Variants in ZNF33B observed in about 807,000 individuals in gnomAD.
ZNF33B encodes zinc finger protein 33B.
A neutral mutation model predicts 45.8 loss-of-function variants in ZNF33B; 29 were observed. That is an observed-to-expected ratio of 0.63 (90% confidence interval 0.47 to 0.86). The LOEUF (loss-of-function observed/expected upper bound fraction) is 0.86, where lower values mean the gene tolerates loss of function less well. Among genes scored for constraint, ZNF33B ranks in the 40% least tolerant of loss-of-function variants. The pLI, the probability that ZNF33B is intolerant of heterozygous loss-of-function variation, is 0.00. For synonymous variants in ZNF33B, 305 were observed against 307.8 expected, an observed-to-expected ratio of 0.99 and a Z score of 0.10; for missense variants, 831 against 909.9, an observed-to-expected ratio of 0.91 and a Z score of 1.12.
chr10:42,625,033 A>G (rs554722), intron 4 of ZNF33B, among the ~76,000 whole-genome samples: 4,678 of 71,000 alleles, frequency 0.066, 203 homozygotes, highest in East Asian at 0.33. Context: ...AAATTGTTTC[A>G]TATTTTATAT....
rs145842576 is a variant in ZNF33B, at chr10:42,593,223, G to A, written c.1727C>T (p.Thr576Met). The change falls in exon 5 of 5, where the codon ACG (threonine) becomes ATG (methionine). Residue 576 changes from threonine (T) to methionine (M), a missense_variant. Transcript: ENST00000359467. ...ATGACATTCATAGGGTTTCTCCCCCGTGTGTGTTCTATAATGTTGAGAGAG... is the reference window on the plus strand; with the variant it reads ...ATGACATTCATAGGGTTTCTCCCCCATGTGTGTTCTATAATGTTGAGAGAG... ...STLSQHYRTH[T>M]GEKPYECHEC... 4.6e-4 allele frequency: 744 copies of A among 1,613,734 alleles called. No individual in the cohort carries two copies. The highest frequency in any genetic ancestry group is 1.8e-3 in the South Asian group (164 of 91,070).
intron 4 of ZNF33B, among the ~76,000 whole-genome samples, chr10:42,600,386 T>C (rs757644971): frequency 2.6e-5 from 4 of 152,142 alleles, no homozygotes; most frequent in Non-Finnish European, 5.9e-5. Flanking sequence ...AAGTTTAGGA[T>C]TGTTAAATCC....
Position 42,593,473 on chromosome 10 carries a change from C to G in ZNF33B, c.1477G>C (p.Gly493Arg), listed in dbSNP as rs1396222493. 9 of 1,614,046 alleles carry G rather than the reference C, an allele frequency of 5.6e-6. No individual in the cohort carries two copies. The highest frequency in any genetic ancestry group is 2.2e-5 in the East Asian group (1 of 44,878). Reference sequence around the variant, plus strand: ...GCATTACATTCATAAGGTTTATCTCCTATGTGAGTTCTCTGATGCTGTGTA... The same window carrying G: ...GCATTACATTCATAAGGTTTATCTCGTATGTGAGTTCTCTGATGCTGTGTA... ...HLTQHQRTHI[G>R]DKPYECNACG... The change falls in exon 5 of 5, where the codon GGA (glycine) becomes CGA (arginine). Residue 493 changes from glycine to arginine, a missense_variant. Physicochemically the swap from Gly to Arg is moderately radical, Grantham distance 125. Transcript: ENST00000359467.
chr10:42,629,320 G>A (rs1460512371), intron 4 of ZNF33B, among the ~76,000 whole-genome samples: 3 of 152,106 alleles, frequency 2.0e-5, no homozygotes, highest in Non-Finnish European at 4.4e-5. Flanking sequence ...GTTGGGGGAA[G>A]GTGAGGATGG....
chr10:42,589,515 C>T lies in ZNF33B; in HGVS notation c.*3098G>A, dbSNP rs1296517462. ...ACTCGCTCGATAGTTTTGCCTCTCC[C>T]AGAATGTCATATAATTGCAATCATA... is the stretch of plus-strand genomic sequence containing the variant. On this transcript the variant is annotated 3_prime_UTR_variant, in exon 5 of 5. Coordinates refer to ENST00000359467, the MANE Select transcript of ZNF33B (RefSeq NM_006955.3). 1 of 152,176 alleles carries T rather than the reference C, an allele frequency of 6.6e-6. No homozygotes were observed. The highest frequency in any genetic ancestry group is 2.4e-5 in the African/African-American group (1 of 41,440). The allele number at this position is 152,176 out of a possible 1,614,324, so 9.4% of individuals were successfully genotyped here.
rs758847790 is a variant in ZNF33B at position 42,636,923 on chromosome 10, G to C, written c.6C>G (p.Asn2Lys). M[N>K]KVDQKFQGSV... Reference sequence around the variant, plus strand: ...AGGGAATTAATAAACAACTTACCTTGTTCATTTTGTTCTGTTCTTGGAAAG... The same window carrying C: ...AGGGAATTAATAAACAACTTACCTTCTTCATTTTGTTCTGTTCTTGGAAAG... Residue 2 changes from asparagine to lysine, a missense_variant, in exon 2 of 5, where the codon AAC becomes AAG. Coordinates refer to ENST00000359467, the MANE Select transcript of ZNF33B (RefSeq NM_006955.3). 16 of 1,614,010 alleles carry C rather than the reference G, an allele frequency of 9.9e-6. No homozygotes were observed. The highest frequency in any genetic ancestry group is 4.4e-5 in the South Asian group (4 of 91,086).
At chr10:42,602,905 C>A (rs1478548079) in intron 4 of ZNF33B, among the ~76,000 whole-genome samples, 2 of 152,140 alleles carry the variant, frequency 1.3e-5, no homozygotes, top group Non-Finnish European at 2.9e-5. Flanking sequence ...CTTTACAGAT[C>A]TCCAGGCCTC....
rs1388459741 is a variant in ZNF33B, at chr10:42,638,556, G to C, written c.-127C>G. 2.1e-6 allele frequency: 1 copy of C among 477,106 alleles called. No individual in the cohort carries two copies. The highest frequency in any genetic ancestry group is 4.2e-6 in the Non-Finnish European group (1 of 238,926). 29.6% of individuals were successfully genotyped at this position (477,106 alleles called of 1,614,324 possible). ...CGGGACCGCCTCCCACGCAAAACGTGAGACAAACAAAAGGAAAGGCGGAAA... is the reference window on the plus strand; with the variant it reads ...CGGGACCGCCTCCCACGCAAAACGTCAGACAAACAAAAGGAAAGGCGGAAA... On this transcript the variant is annotated 5_prime_UTR_variant, in exon 1 of 5. Coordinates refer to ENST00000359467, the MANE Select transcript of ZNF33B (RefSeq NM_006955.3).
intron 4 of ZNF33B, among the ~76,000 whole-genome samples, chr10:42,618,356 G>A (rs1342251135): frequency 6.6e-6 from 1 of 152,136 alleles, no homozygotes; most frequent in Non-Finnish European, 1.5e-5. Flanking sequence ...AGAACATCTG[G>A]ATTATTCGGG....
chr10:42,627,297 C>G (rs1386599408), intron 4 of ZNF33B, among the ~76,000 whole-genome samples: 1 of 152,220 alleles, frequency 6.6e-6, no homozygotes, highest in Non-Finnish European at 1.5e-5. Flanking sequence ...AGCCACCACA[C>G]CTGGCCTATG....
At chr10:42,596,854 C>A (rs189470020) in intron 4 of ZNF33B, among the ~76,000 whole-genome samples, 3 of 151,914 alleles carry the variant, frequency 2.0e-5, no homozygotes, top group Non-Finnish European at 4.4e-5. Context: ...AGATTTCCTA[C>A]GTAGATAATC....
chr10:42,612,018 A>T (rs1230520978), intron 4 of ZNF33B, among the ~76,000 whole-genome samples: 1 of 152,096 alleles, frequency 6.6e-6, no homozygotes, highest in Admixed American at 6.6e-5. Context: ...TTGTTTCCTT[A>T]TCTTAGGGAG....
intron 1 of ZNF33B, 30 bp from the exon 2 acceptor site, chr10:42,637,002 G>C (rs1425407645): frequency 6.2e-7 from 1 of 1,610,618 alleles, no homozygotes; most frequent in African/African-American, 1.3e-5. Context: ...ATGGGGTCAT[G>C]AAAGATTTGG....
At position 42,593,225 on chromosome 10, in the gene ZNF33B, G is replaced by A. The variant is rs761622508; in HGVS notation, c.1725C>T (p.His575=). 12 of 1,613,784 alleles carry A rather than the reference G, an allele frequency of 7.4e-6. No individual in the cohort carries two copies. Among genetic ancestry groups the A allele is most frequent in the Admixed American group, 1.7e-5 (1 of 59,808 alleles). ...KSTLSQHYRT[H]TGEKPYECHE... ...GACATTCATAGGGTTTCTCCCCCGT[G>A]TGTGTTCTATAATGTTGAGAGAGGG... Residue 575 remains histidine (H), a synonymous_variant, in exon 5 of 5, where the codon CAC becomes CAT. Transcript: ENST00000359467.
chr10:42,618,567 T>A (rs1033634168), intron 4 of ZNF33B, among the ~76,000 whole-genome samples: 1 of 152,212 alleles, frequency 6.6e-6, no homozygotes, highest in African/African-American at 2.4e-5. Flanking sequence ...ATAATTCAGT[T>A]TCTCTAAATC....
rs1028307580 is a variant in ZNF33B, at chr10:42,590,076, G to A, written c.*2537C>T. On this transcript the variant is annotated 3_prime_UTR_variant, in exon 5 of 5. Transcript: ENST00000359467. ...CATATTTAATCTTTGAACTGCTAAT[G>A]CATGCAATGGATTGCACTGAATATC... is the stretch of plus-strand genomic sequence containing the variant. 5.3e-5 allele frequency: 8 copies of A among 152,180 alleles called. No homozygotes were observed. Among genetic ancestry groups the A allele is most frequent in the African/African-American group, 1.9e-4 (8 of 41,446 alleles). The allele number at this position is 152,180 out of a possible 1,614,324, so 9.4% of individuals were successfully genotyped here.
chr10:42,584,276 G>A (rs1218614119), downstream of ZNF33B, among the ~76,000 whole-genome samples: 2 of 152,212 alleles, frequency 1.3e-5, no homozygotes, highest in East Asian at 3.8e-4. Context: ...GACAGTGACA[G>A]CACTAGCCTG....
At chr10:42,602,623 T>A (rs1164927055) in intron 4 of ZNF33B, among the ~76,000 whole-genome samples, 1 of 152,204 alleles carries the variant, frequency 6.6e-6, no homozygotes, top group Non-Finnish European at 1.5e-5. Context: ...TGTGACACTT[T>A]CAGGTCTTGC....
At chr10:42,599,535 TTATA>T (rs901769396) in intron 4 of ZNF33B, among the ~76,000 whole-genome samples, 10 of 151,266 alleles carry the variant, frequency 6.6e-5, no homozygotes, top group Non-Finnish European at 1.3e-4. Context: ...AATTTACACA[TTATA>T]TATTTAATAT....
Sources: allele counts gnomAD v4.1 joint callset (sites outside exome capture counted in the v4.1 genomes callset), GRCh38; gene constraint gnomAD v4.1.1; transcripts MANE v1.5; gene names NCBI Gene and HGNC (gene_info 2026-07-23, HGNC 2026-07-21).